CCSER1: variants seen among roughly 807,000 people sequenced by gnomAD.
CCSER1 encodes the protein serine-rich coiled-coil domain-containing protein 1.
CCSER1 carries 41 observed loss-of-function variants against 82.0 expected under a neutral mutation model. That is an observed-to-expected ratio of 0.50 (90% CI 0.39 to 0.65). The LOEUF is 0.65. Among genes scored for constraint, CCSER1 ranks in the 30% least tolerant of loss-of-function variants. The probability of loss-of-function intolerance (pLI) is 0.00; values close to 1 mark genes in which losing one functional copy is unlikely to be tolerated. For missense variants in CCSER1, 1,119 were observed against 1,064.2 expected (o/e 1.05, Z -0.72); for synonymous variants, 414 against 383.9 (o/e 1.08, Z -0.92).
At chr4:90,952,866 G>A (rs1733058564) in intron 9 of CCSER1, among the ~76,000 whole-genome samples, 1 of 151,928 alleles carries the variant, frequency 6.6e-6, no homozygotes, top group African/African-American at 2.4e-5. Context: ...TCTATTTCCT[G>A]TATTCTAGAA....
At chr4:90,388,415 T>C (rs1242514636) in intron 3 of CCSER1, among the ~76,000 whole-genome samples, 1 of 151,914 alleles carries the variant, frequency 6.6e-6, no homozygotes, top group Non-Finnish European at 1.5e-5. Context: ...GTTCAAGCGA[T>C]TCTCCTGCCT....
chr4:91,327,703 G>A (rs1419082986), intron 10 of CCSER1, among the ~76,000 whole-genome samples: 3 of 152,264 alleles, frequency 2.0e-5, no homozygotes, highest in South Asian at 4.1e-4. Flanking sequence ...AAGCTTTTAT[G>A]CTCTACTTCC....
At chr4:90,741,185 A>G (rs77694944) in intron 7 of CCSER1, among the ~76,000 whole-genome samples, 40,023 of 152,070 alleles carry the variant, frequency 0.26, 5,932 homozygotes, top group East Asian at 0.34. Context: ...CTTAATTATA[A>G]GGAAGGAAAA....
At chr4:90,848,276 A>G (rs1763445376) in intron 8 of CCSER1, among the ~76,000 whole-genome samples, 1 of 152,224 alleles carries the variant, frequency 6.6e-6, no homozygotes, top group East Asian at 1.9e-4. Context: ...AAAACCATCA[A>G]TTCCATGTAA....
chr4:90,753,018 A>G, intron 7 of CCSER1, among the ~76,000 whole-genome samples: 1 of 152,238 alleles, frequency 6.6e-6, no homozygotes, highest in East Asian at 1.9e-4. Flanking sequence ...TCTTAGTTGG[A>G]CCAAAAGGCA....
rs536957172 is a variant in CCSER1 at position 90,748,061 on chromosome 4, G to C, written c.2010+24070G>C. ...TTCTTTTTTTTTTATTATACTTTAAGTTTTAGGGTACATGTGCACATTGTG... is the reference window on the plus strand; with the variant it reads ...TTCTTTTTTTTTTATTATACTTTAACTTTTAGGGTACATGTGCACATTGTG... On this transcript the variant is annotated intron_variant, in intron 7 of 10. Transcript: ENST00000509176. Among the ~76,000 whole-genome samples the C allele has an allele frequency of 5.9e-3, 795 of 134,576 alleles. 6 individuals are homozygous for C. The highest frequency in any genetic ancestry group is 7.4e-3 in the Non-Finnish European group (474 of 63,836). 88.3% of individuals were successfully genotyped at this position (134,576 alleles called of 152,430 possible). A position where few individuals can be genotyped will look rare whatever the true frequency, so the allele number is the denominator to read the frequency against.
At chr4:91,253,179 AG>A (rs1220762569) in intron 10 of CCSER1, among the ~76,000 whole-genome samples, 1 of 152,198 alleles carries the variant, frequency 6.6e-6, no homozygotes, top group Non-Finnish European at 1.5e-5. Context: ...TCAAAAGTGA[AG>A]ACAATGAGGA....
intron 5 of CCSER1, among the ~76,000 whole-genome samples, chr4:90,574,955 T>G (rs1579251687): frequency 6.6e-6 from 1 of 152,174 alleles, no homozygotes; most frequent in Non-Finnish European, 1.5e-5. Context: ...GTGAGAAATT[T>G]GCTCATTTAG....
chr4:91,267,062 C>T (rs2149175230), intron 10 of CCSER1, among the ~76,000 whole-genome samples: 1 of 152,300 alleles, frequency 6.6e-6, no homozygotes. Flanking sequence ...CCACATCCCA[C>T]ATTCTACCTA....
intron 10 of CCSER1, among the ~76,000 whole-genome samples, chr4:91,519,029 G>A (rs1336032678): frequency 2.6e-5 from 4 of 152,222 alleles, no homozygotes; most frequent in Non-Finnish European, 5.9e-5. Context: ...TGGTACCACT[G>A]CATCTGCAAT....
chr4:91,422,958 G>C (rs1348936122), intron 10 of CCSER1, among the ~76,000 whole-genome samples: 1 of 152,010 alleles, frequency 6.6e-6, no homozygotes, highest in Non-Finnish European at 1.5e-5. Context: ...AATAAATATA[G>C]CGTATTTGTG....
At chr4:90,392,321 T>C (rs1751319310) in intron 3 of CCSER1, among the ~76,000 whole-genome samples, 1 of 152,058 alleles carries the variant, frequency 6.6e-6, no homozygotes. Context: ...TTTGTATGGA[T>C]TCAGATATTG....
intron 10 of CCSER1, among the ~76,000 whole-genome samples, chr4:91,289,911 A>G (rs1025347209): frequency 6.6e-6 from 1 of 152,036 alleles, no homozygotes; most frequent in African/African-American, 2.4e-5. Flanking sequence ...ACAAAACACA[A>G]TCAGGCATAT....
chr4:90,483,545 G>A (rs1766451040), intron 5 of CCSER1, among the ~76,000 whole-genome samples: 1 of 152,166 alleles, frequency 6.6e-6, no homozygotes, highest in African/African-American at 2.4e-5. Flanking sequence ...GCTTCCTTCA[G>A]GAGGTCTTTC....
At chr4:91,180,804 A>T (rs919871118) in intron 10 of CCSER1, among the ~76,000 whole-genome samples, 4 of 152,254 alleles carry the variant, frequency 2.6e-5, no homozygotes, top group Non-Finnish European at 4.4e-5. Context: ...TTCAGAGCTG[A>T]GAGCCCCTAA....
chr4:90,909,472 T>TA (rs1353763492), intron 8 of CCSER1, among the ~76,000 whole-genome samples: 1 of 152,010 alleles, frequency 6.6e-6, no homozygotes, highest in Non-Finnish European at 1.5e-5. Flanking sequence ...GCAGTAGATA[T>TA]AAAAAGAAGT....
chr4:91,390,814 T>C (rs551606874), intron 10 of CCSER1, among the ~76,000 whole-genome samples: 1 of 152,188 alleles, frequency 6.6e-6, no homozygotes, highest in African/African-American at 2.4e-5. Context: ...TTTGGCGGAT[T>C]ATGTTCTCCA....
chr4:90,860,929 T>G (rs1186562088), intron 8 of CCSER1, among the ~76,000 whole-genome samples: 1 of 151,516 alleles, frequency 6.6e-6, no homozygotes, highest in Non-Finnish European at 1.5e-5. Flanking sequence ...TGTTCTGGAA[T>G]TACATAGTGG....
At chr4:90,729,218 T>C (rs1744262311) in intron 7 of CCSER1, among the ~76,000 whole-genome samples, 1 of 152,222 alleles carries the variant, frequency 6.6e-6, no homozygotes, top group African/African-American at 2.4e-5. Flanking sequence ...ATTATTTTTA[T>C]AGATGCAAGA....
Sources: gnomAD v4.1 joint callset for allele counts (sites outside exome capture counted in the v4.1 genomes callset) on GRCh38, gnomAD v4.1.1 for gene constraint, MANE v1.5 for transcripts, NCBI Gene and HGNC (gene_info 2026-07-23, HGNC 2026-07-21) for gene names.